The following RAC1 variants were observed in gnomAD, a reference collection of about 807,000 sequenced individuals.
RAC1 encodes the protein ras-related C3 botulinum toxin substrate 1.
RAC1 carries 2 observed loss-of-function variants against 25.2 expected under a neutral mutation model. That is an observed-to-expected ratio of 0.08 (90% confidence interval 0.03 to 0.25). The LOEUF (loss-of-function observed/expected upper bound fraction) is 0.25, where lower values mean the gene tolerates loss of function less well. Among genes scored for constraint, RAC1 ranks in the 10% least tolerant of loss-of-function variants. The pLI is 1.00. For missense variants in RAC1, 50 were observed against 235.7 expected (o/e 0.21, Z 5.16); for synonymous variants, 88 against 94.0 (o/e 0.94, Z 0.37).
At chr7:6,389,293 A>C (rs1416242432) in intron 2 of RAC1, among the ~76,000 whole-genome samples, 4 of 152,174 alleles carry the variant, frequency 2.6e-5, no homozygotes, top group Non-Finnish European at 4.4e-5. Context: ...CCTTGACTTA[A>C]GTGGCCTCTT....
intron 3 of RAC1, among the ~76,000 whole-genome samples, chr7:6,397,618 G>T (rs577399113): frequency 1.3e-5 from 2 of 152,202 alleles, no homozygotes; most frequent in Non-Finnish European, 2.9e-5. Flanking sequence ...TGTTGGAAGA[G>T]CGAGTTTGTC....
At chr7:6,394,342 C>T (rs1783166691) in intron 3 of RAC1, among the ~76,000 whole-genome samples, 1 of 152,200 alleles carries the variant, frequency 6.6e-6, no homozygotes, top group African/African-American at 2.4e-5. Context: ...TTACGTAATC[C>T]TTACATTATT....
At position 6,402,525 on chromosome 7, in the gene RAC1, C is replaced by CAAAAAAA. The variant is rs1170377612; in HGVS notation, c.*85_*91dup. The CAAAAAAA allele has an allele frequency of 5.9e-5, 12 of 204,276 alleles. No individual in the cohort carries two copies. In the East Asian group the frequency reaches 1.7e-3, roughly 29 times the overall value. 12.7% of individuals were successfully genotyped at this position (204,276 alleles called of 1,614,324 possible). ...CTCAAAAAAAAACAAAAAAAAAAAACAAAAAAAAAAAACAACGGTGGAGCC... is the reference window on the plus strand; with the variant it reads ...CTCAAAAAAAAACAAAAAAAAAAAACAAAAAAAAAAAAAAAAAAACAACGGTGGAGCC... On this transcript the variant is annotated 3_prime_UTR_variant, in exon 6 of 6. Transcript: ENST00000348035.
At chr7:6,399,362 A>T (rs961752900) in intron 3 of RAC1, among the ~76,000 whole-genome samples, 2 of 152,244 alleles carry the variant, frequency 1.3e-5, no homozygotes, top group African/African-American at 4.8e-5. Flanking sequence ...AATATTTTAG[A>T]AATCTAGCAT....
intron 1 of RAC1, among the ~76,000 whole-genome samples, chr7:6,376,166 G>A (rs566746176): frequency 1.5e-5 from 2 of 134,420 alleles, no homozygotes; most frequent in East Asian, 2.5e-4. Context: ...GAGTATGTAG[G>A]CTATTCAGGC....
intron 3 of RAC1, among the ~76,000 whole-genome samples, chr7:6,397,376 C>T (rs1238776336): frequency 4.6e-5 from 7 of 151,984 alleles, no homozygotes; most frequent in Non-Finnish European, 7.4e-5. Context: ...CTCACTGCAA[C>T]CTCCACCTCC....
chr7:6,397,983 C>G lies in RAC1; in HGVS notation c.226-2143C>G, dbSNP rs973413938. 3.3e-5 allele frequency among the ~76,000 whole-genome samples: 5 copies of G among 152,168 alleles called. No homozygotes were observed. In the South Asian group the frequency reaches 1.0e-3, roughly 31 times the overall value. The stretch of plus-strand genomic sequence containing the variant: ...CAGCCTGGGCAACAGAGCAAGACTC[C>G]GTCTCAAAAACGCTTGTCCTTAAGG... On this transcript the variant is annotated intron_variant, in intron 3 of 5. Coordinates refer to ENST00000348035, the MANE Select transcript of RAC1 (RefSeq NM_006908.5).
At chr7:6,396,772 T>A (rs890200522) in intron 3 of RAC1, among the ~76,000 whole-genome samples, 1 of 152,184 alleles carries the variant, frequency 6.6e-6, no homozygotes, top group Non-Finnish European at 1.5e-5. Context: ...GGCTCACGCC[T>A]GTAATCCCAG....
chr7:6,376,919 T>C (rs554292714), intron 1 of RAC1, among the ~76,000 whole-genome samples: 6 of 152,060 alleles, frequency 3.9e-5, no homozygotes, highest in African/African-American at 1.4e-4. Context: ...CTGTTTTATC[T>C]AGTCAAATAA....
chr7:6,378,165 C>T (rs1410355767), intron 1 of RAC1, among the ~76,000 whole-genome samples: 1 of 150,066 alleles, frequency 6.7e-6, no homozygotes, highest in African/African-American at 2.4e-5. Context: ...GTAAATAATT[C>T]CTTCATGAAA....
chr7:6,374,850 A>AGGCC, intron 1 of RAC1, 80 bp downstream of exon 1: 1 of 1,023,786 alleles, frequency 9.8e-7, no homozygotes. Context: ...GGGCCCAGGC[A>AGGCC]GGCCGGCGTC....
chr7:6,398,620 C>A (rs1202139272), intron 3 of RAC1: 2 of 1,557,138 alleles, frequency 1.3e-6, no homozygotes, highest in East Asian at 2.2e-5. Context: ...TTGTTGTCCT[C>A]AGTCTGTACT....
At chr7:6,393,796 G>A (rs1011739512) in intron 3 of RAC1, among the ~76,000 whole-genome samples, 29 of 152,274 alleles carry the variant, frequency 1.9e-4, no homozygotes, top group African/African-American at 3.1e-4. Flanking sequence ...TGAGCCGGGC[G>A]CTTAAGGAGC....
intron 3 of RAC1, among the ~76,000 whole-genome samples, chr7:6,394,636 G>A (rs55739727): frequency 5.4e-4 from 82 of 152,228 alleles, no homozygotes; most frequent in Middle Eastern, 3.4e-3. Flanking sequence ...ACCCCAGTGC[G>A]TCATGCCAGT....
Position 6,403,266 on chromosome 7 carries a change from G to C in RAC1, c.*820G>C. On this transcript the variant is annotated 3_prime_UTR_variant, in exon 6 of 6. Coordinates refer to ENST00000348035, the MANE Select transcript of RAC1 (RefSeq NM_006908.5). The stretch of plus-strand genomic sequence containing the variant: ...AGGTTAATTTCTGTCAAATGCAGTA[G>C]ATGATGAAAGAAAGGTTGGTATTAT... 2 of 212,896 alleles carry C rather than the reference G, an allele frequency of 9.4e-6. No homozygotes were observed. Among genetic ancestry groups the C allele is most frequent in the East Asian group, 6.9e-5 (1 of 14,402 alleles). 13.2% of individuals were successfully genotyped at this position (212,896 alleles called of 1,614,324 possible).
At chr7:6,392,138 A>G in intron 3 of RAC1, 97 bp downstream of exon 3, 2 of 1,578,366 alleles carry the variant, frequency 1.3e-6, no homozygotes, top group Non-Finnish European at 1.7e-6. Context: ...TTATATTGCC[A>G]TCATTTGGGT....
intron 2 of RAC1, among the ~76,000 whole-genome samples, chr7:6,388,317 A>G (rs575445096): frequency 7.3e-6 from 1 of 136,978 alleles, no homozygotes; most frequent in South Asian, 2.3e-4. Context: ...TGTCGTACCC[A>G]TGTTTTTGTT....
chr7:6,384,609 C>G (rs146783800), intron 1 of RAC1, among the ~76,000 whole-genome samples: 3 of 152,052 alleles, frequency 2.0e-5, no homozygotes, highest in Non-Finnish European at 4.4e-5. Context: ...TCCTGAGTAG[C>G]TGGGACTACA....
In RAC1 at chr7:6,395,153, C is replaced by T. The variant is rs557842698; in HGVS notation, c.225+3112C>T. Among the ~76,000 whole-genome samples the T allele has an allele frequency of 4.9e-4, 74 of 152,144 alleles. 1 individual carries two copies. The highest frequency in any genetic ancestry group is 3.4e-3 in the Middle Eastern group (1 of 294). ...ACAAATTTTGTATTTTTAGTAGAGA[C>T]GGGGGTTTCTCCACTTTGGTCAGGC... On this transcript the variant is annotated intron_variant, in intron 3 of 5. Transcript: ENST00000348035.
Sources: allele counts gnomAD v4.1 joint callset (sites outside exome capture counted in the v4.1 genomes callset), GRCh38; gene constraint gnomAD v4.1.1; transcripts MANE v1.5; gene names NCBI Gene and HGNC (gene_info 2026-07-23, HGNC 2026-07-21).